The following MAPK10 variants were observed in gnomAD, a reference collection of about 807,000 sequenced individuals.
MAPK10 encodes mitogen-activated protein kinase 10, also known as JNK3 alpha protein kinase.
MAPK10 carries 25 observed loss-of-function variants against 59.3 expected under a neutral mutation model. That is an observed-to-expected ratio of 0.42 (90% CI 0.31 to 0.59). The LOEUF is 0.59. MAPK10 is among the 20% of genes least tolerant of loss of function. The pLI, the probability that MAPK10 is intolerant of heterozygous loss-of-function variation, is 0.15. For synonymous variants in MAPK10, 190 were observed against 200.5 expected (o/e 0.95, Z 0.44); for missense variants, 351 against 568.9 (o/e 0.62, Z 3.90).
intron 1 of MAPK10, among the ~76,000 whole-genome samples, chr4:86,367,367 A>G (rs1030327176): frequency 6.6e-6 from 1 of 152,152 alleles, no homozygotes; most frequent in African/African-American, 2.4e-5. Context: ...TGATACTATT[A>G]GAATATAAGA....
chr4:86,526,672 G>T (rs1196675131), intron 1 of MAPK10, among the ~76,000 whole-genome samples: 1 of 151,950 alleles, frequency 6.6e-6, no homozygotes, highest in Non-Finnish European at 1.5e-5. Context: ...TCATTAATTT[G>T]AGATCTTTCT....
chr4:86,165,503 G>A (rs2071346683), intron 3 of MAPK10, among the ~76,000 whole-genome samples: 1 of 132,812 alleles, frequency 7.5e-6, no homozygotes, highest in Non-Finnish European at 1.6e-5. Flanking sequence ...TCAGCCTTCT[G>A]ATAGCTGATA....
At chr4:86,127,495 A>G (rs1052339985) in intron 4 of MAPK10, 10 of 151,980 alleles carry the variant, frequency 6.6e-5, no homozygotes, top group African/African-American at 2.4e-4. Flanking sequence ...TTCCATATAC[A>G]TGGAATTAAA....
intron 9 of MAPK10, among the ~76,000 whole-genome samples, chr4:86,097,454 ACAT>A (rs1394543609): frequency 6.6e-6 from 1 of 152,006 alleles, no homozygotes; most frequent in African/African-American, 2.4e-5. Context: ...AACCTTTCTT[ACAT>A]AATAGAAGGA....
chr4:86,356,486 T>C, intron 1 of MAPK10: 1 of 921,842 alleles, frequency 1.1e-6, no homozygotes, highest in Non-Finnish European at 1.3e-6. Flanking sequence ...TAAGAGTTTC[T>C]ACCAAGATTC....
chr4:86,158,195 C>CT (rs144309115), intron 4 of MAPK10, among the ~76,000 whole-genome samples: 3,886 of 151,114 alleles, frequency 0.026, 109 homozygotes, highest in African/African-American at 0.066. Flanking sequence ...TTTTAAACCT[C>CT]TTTTTTTTTA....
intron 1 of MAPK10, among the ~76,000 whole-genome samples, chr4:86,499,012 C>A (rs946094778): frequency 1.3e-5 from 2 of 152,194 alleles, no homozygotes; most frequent in African/African-American, 4.8e-5. Context: ...TGGAATGGAT[C>A]ATTTGCTTTT....
At chr4:86,387,824 T>C (rs867073813) in intron 1 of MAPK10, among the ~76,000 whole-genome samples, 1 of 152,134 alleles carries the variant, frequency 6.6e-6, no homozygotes, top group Non-Finnish European at 1.5e-5. Flanking sequence ...GTTGTTTATG[T>C]TTTAACTGGA....
intron 4 of MAPK10, chr4:86,118,012 G>C (rs570371829): frequency 3.3e-5 from 5 of 152,320 alleles, no homozygotes; most frequent in Admixed American, 2.6e-4. Context: ...AGTCATTCAA[G>C]GTAGCCCAGA....
chr4:86,405,116 A>G (rs1744206448), intron 1 of MAPK10, among the ~76,000 whole-genome samples: 1 of 152,178 alleles, frequency 6.6e-6, no homozygotes. Context: ...TTCCAAACAC[A>G]GAGTTCCATG....
chr4:86,222,661 G>A (rs551662285), intron 2 of MAPK10, among the ~76,000 whole-genome samples: 16 of 152,348 alleles, frequency 1.1e-4, no homozygotes, highest in African/African-American at 3.8e-4. Flanking sequence ...TTGTCTTTGT[G>A]AAGAATCCCA....
intron 4 of MAPK10, among the ~76,000 whole-genome samples, chr4:86,137,844 A>T (rs1235912687): frequency 6.7e-6 from 1 of 150,228 alleles, no homozygotes; most frequent in Non-Finnish European, 1.5e-5. Flanking sequence ...AAAAAATGAT[A>T]AAGGGGATAT....
In MAPK10 at chr4:86,166,416, A is replaced by G. The variant is rs112662093; in HGVS notation, c.67-6949T>C. On this transcript the variant is annotated intron_variant, in intron 3 of 13. Transcript: ENST00000641462. Reference sequence around the variant, plus strand: ...AGCTCTAAGCATGGTATAAGGTTATAGAAAACTCTCAAAGTTTTTATTTTT... The same window carrying G: ...AGCTCTAAGCATGGTATAAGGTTATGGAAAACTCTCAAAGTTTTTATTTTT... 2.4e-4 allele frequency among the ~76,000 whole-genome samples: 36 copies of G among 152,084 alleles called. No individual in the cohort carries two copies. The Middle Eastern group carries it at 0.01, about 43-fold the overall frequency.
intron 2 of MAPK10, among the ~76,000 whole-genome samples, chr4:86,351,428 CAT>C (rs1491038841): frequency 7.0e-6 from 1 of 142,540 alleles, no homozygotes; most frequent in Non-Finnish European, 1.6e-5. Context: ...CACACACACA[CAT>C]TTTATGACAA....
intron 1 of MAPK10, among the ~76,000 whole-genome samples, chr4:86,424,811 T>G (rs1263857891): frequency 6.6e-6 from 1 of 152,154 alleles, no homozygotes; most frequent in African/African-American, 2.4e-5. Context: ...GAATTGTGAC[T>G]AATTTGATAT....
intron 2 of MAPK10, among the ~76,000 whole-genome samples, chr4:86,321,642 G>A (rs921079935): frequency 6.7e-5 from 10 of 149,922 alleles, no homozygotes; most frequent in Admixed American, 6.0e-4. Flanking sequence ...GCTAAATGAC[G>A]AGTTAATGGG....
intron 1 of MAPK10, among the ~76,000 whole-genome samples, chr4:86,468,398 G>A (rs764408593): frequency 6.6e-6 from 1 of 151,814 alleles, no homozygotes; most frequent in Admixed American, 6.6e-5. Flanking sequence ...ACTAAGTCTG[G>A]GTTTTTTATT....
intron 2 of MAPK10, among the ~76,000 whole-genome samples, chr4:86,291,104 A>G (rs113385863): frequency 0.012 from 1,795 of 152,322 alleles, 43 homozygotes; most frequent in African/African-American, 0.041. Flanking sequence ...TGAGTAGATA[A>G]CCAGACAGCG....
At chr4:86,389,720 A>G (rs1219907679) in intron 1 of MAPK10, among the ~76,000 whole-genome samples, 4 of 152,214 alleles carry the variant, frequency 2.6e-5, no homozygotes, top group Admixed American at 2.6e-4. Context: ...TTTCATATAT[A>G]TCAAATTTTC....
Sources: gnomAD v4.1 joint callset for allele counts (sites outside exome capture counted in the v4.1 genomes callset) on GRCh38, gnomAD v4.1.1 for gene constraint, MANE v1.5 for transcripts, NCBI Gene and HGNC (gene_info 2026-07-23, HGNC 2026-07-21) for gene names.